PIBF1: variants seen among roughly 807,000 people sequenced by gnomAD.
The protein encoded by PIBF1 is progesterone-induced-blocking factor 1.
In PIBF1, 90 loss-of-function variants were observed where a neutral mutation model predicts 112.5. The ratio of observed to expected loss-of-function variants is 0.80; its 90% CI spans 0.67 to 0.95. The LOEUF is 0.95. PIBF1 is among the 40% of genes least tolerant of loss of function. The probability of loss-of-function intolerance (pLI) is 0.00; values close to 1 mark genes in which losing one functional copy is unlikely to be tolerated. For missense variants in PIBF1, 915 were observed against 852.3 expected (o/e 1.07, Z -0.92); for synonymous variants, 301 against 288.6 (o/e 1.04, Z -0.44).
intron 2 of PIBF1, among the ~76,000 whole-genome samples, chr13:72,785,391 C>G (rs953902924): frequency 5.3e-5 from 8 of 152,152 alleles, no homozygotes; most frequent in Admixed American, 2.0e-4. Flanking sequence ...GTGCCTGACA[C>G]AAATTAAGTG....
At chr13:72,896,244 A>G (rs1458970296) in intron 11 of PIBF1, among the ~76,000 whole-genome samples, 1 of 152,162 alleles carries the variant, frequency 6.6e-6, no homozygotes, top group East Asian at 1.9e-4. Flanking sequence ...CATCCACAGG[A>G]AAAGGGGTAG....
At chr13:73,009,834 TAGG>T (rs1278796908) in intron 17 of PIBF1, among the ~76,000 whole-genome samples, 2 of 152,070 alleles carry the variant, frequency 1.3e-5, no homozygotes, top group Admixed American at 1.3e-4. Flanking sequence ...GAAAACATAT[TAGG>T]GGTGGGAGTA....
chr13:72,931,419 A>G lies in PIBF1; in HGVS notation c.1833+152A>G, dbSNP rs2041693290. ...GAAACTAACTGAATGTTAAGGCCATAAAAAACAACTTACAGTGTATGGCAA... is the reference window on the plus strand; with the variant it reads ...GAAACTAACTGAATGTTAAGGCCATGAAAAACAACTTACAGTGTATGGCAA... On this transcript the variant is annotated intron_variant, in intron 14 of 17. Transcript: ENST00000326291. The G allele has an allele frequency of 1.1e-5, 7 of 654,276 alleles. No individual in the cohort carries two copies. In the South Asian group the frequency reaches 1.3e-4, roughly 12 times the overall value. The allele number at this position is 654,276 out of a possible 1,614,324, so 40.5% of individuals were successfully genotyped here. A position where few individuals can be genotyped will look rare whatever the true frequency, so the allele number is the denominator to read the frequency against.
At chr13:72,993,574 G>A (rs1163538564) in intron 16 of PIBF1, among the ~76,000 whole-genome samples, 2 of 151,304 alleles carry the variant, frequency 1.3e-5, no homozygotes, top group African/African-American at 4.9e-5. Context: ...GTGAAACCCT[G>A]ACTCTACTAA....
At chr13:72,830,642 T>C (rs1196026367) in intron 8 of PIBF1, among the ~76,000 whole-genome samples, 1 of 152,208 alleles carries the variant, frequency 6.6e-6, no homozygotes, top group African/African-American at 2.4e-5. Flanking sequence ...TCATGGTGGA[T>C]AAGCTTTTTC....
chr13:72,927,970 T>TAC (rs1566457971), intron 13 of PIBF1, among the ~76,000 whole-genome samples: 1 of 120,762 alleles, frequency 8.3e-6, no homozygotes, highest in African/African-American at 3.4e-5. Flanking sequence ...CACATATATA[T>TAC]ATATATACAT....
intron 10 of PIBF1, 152 bp from the exon 11 acceptor site, chr13:72,893,632 A>T (rs532372646): frequency 2.7e-4 from 114 of 419,166 alleles, no homozygotes; most frequent in Non-Finnish European, 4.6e-4. Flanking sequence ...ACATATACCT[A>T]CCTAAATTAT....
intron 9 of PIBF1, among the ~76,000 whole-genome samples, chr13:72,839,379 G>A (rs1171843455): frequency 6.6e-6 from 1 of 152,268 alleles, no homozygotes; most frequent in African/African-American, 2.4e-5. Context: ...TAAAACATTA[G>A]AAAATACAAA....
chr13:72,907,304 C>T (rs1295150983), intron 11 of PIBF1, among the ~76,000 whole-genome samples: 1 of 152,020 alleles, frequency 6.6e-6, no homozygotes, highest in Non-Finnish European at 1.5e-5. Flanking sequence ...CTTCCTTCTC[C>T]CTTTTTCCAC....
chr13:72,888,569 G>A (rs919831121), intron 10 of PIBF1, among the ~76,000 whole-genome samples: 6 of 152,056 alleles, frequency 3.9e-5, no homozygotes, highest in Non-Finnish European at 8.8e-5. Context: ...TGTGTATAAT[G>A]CTTTGAAGCA....
intron 17 of PIBF1, among the ~76,000 whole-genome samples, chr13:73,005,590 A>C (rs1594357591): frequency 6.6e-6 from 1 of 152,136 alleles, no homozygotes; most frequent in East Asian, 1.9e-4. Context: ...TTCATGAGGG[A>C]AAGTTTATAA....
chr13:73,005,919 C>CTTTTT (rs34315714), intron 17 of PIBF1, among the ~76,000 whole-genome samples: 2 of 132,802 alleles, frequency 1.5e-5, no homozygotes, highest in African/African-American at 2.8e-5. Context: ...TCTGGTTTCA[C>CTTTTT]TTTTTTTTTT....
rs140661136 is a variant in PIBF1 at position 72,931,802 on chromosome 13, T to G, written c.1833+535T>G. ...CTGATGTCAAGATCTAATTTTATTT[T>G]TCTGTACTTTTGAAATGCGAGTCAT... On this transcript the variant is annotated intron_variant, in intron 14 of 17. Transcript: ENST00000326291. Among the ~76,000 whole-genome samples, 1,050 of 147,830 alleles carry G rather than the reference T, an allele frequency of 7.1e-3. 16 individuals carry two copies. The highest frequency in any genetic ancestry group is 0.025 in the African/African-American group (1,013 of 40,626).
chr13:72,874,448 A>G (rs2039308064), intron 10 of PIBF1, among the ~76,000 whole-genome samples: 1 of 152,222 alleles, frequency 6.6e-6, no homozygotes, highest in African/African-American at 2.4e-5. Context: ...TTTTATTATA[A>G]AAGTTCTATG....
intron 11 of PIBF1, among the ~76,000 whole-genome samples, chr13:72,902,559 G>C (rs2138623653): frequency 6.6e-6 from 1 of 152,166 alleles, no homozygotes; most frequent in Non-Finnish European, 1.5e-5. Flanking sequence ...AAGAAAAAAA[G>C]CTGATCCAGT....
rs540169722 is a variant in PIBF1, at chr13:72,913,858, A to G, written c.1640-3218A>G. 1.1e-4 allele frequency among the ~76,000 whole-genome samples: 16 copies of G among 152,334 alleles called. 1 individual carries two copies. The South Asian group carries it at 3.3e-3, about 32-fold the overall frequency. ...ATAAATATTTTCTTAAAAGCTGCAG[A>G]AAAATAGAAATTAATTTTTGTTATG... On this transcript the variant is annotated intron_variant, in intron 12 of 17. Coordinates refer to ENST00000326291, the MANE Select transcript of PIBF1 (RefSeq NM_006346.4).
intron 10 of PIBF1, among the ~76,000 whole-genome samples, chr13:72,871,929 C>T (rs1025435616): frequency 3.4e-4 from 52 of 152,242 alleles, no homozygotes; most frequent in African/African-American, 1.3e-3. Context: ...ACCCTAATAT[C>T]ATTTAATAGC....
chr13:72,787,563 G>A (rs527381625), intron 2 of PIBF1, among the ~76,000 whole-genome samples: 3 of 152,264 alleles, frequency 2.0e-5, no homozygotes, highest in South Asian at 4.1e-4. Context: ...GTAACACCAC[G>A]CGGTATTTGA....
intron 9 of PIBF1, among the ~76,000 whole-genome samples, chr13:72,847,546 T>C (rs1488455893): frequency 6.6e-6 from 1 of 152,238 alleles, no homozygotes; most frequent in African/African-American, 2.4e-5. Flanking sequence ...CACTTCTTAA[T>C]ACTGTTAGAA....
Sources: allele counts gnomAD v4.1 joint callset (sites outside exome capture counted in the v4.1 genomes callset), GRCh38; gene constraint gnomAD v4.1.1; transcripts MANE v1.5; gene names NCBI Gene and HGNC (gene_info 2026-07-23, HGNC 2026-07-21).